SLC27A2: variants seen among roughly 807,000 people sequenced by gnomAD.
SLC27A2 encodes long-chain fatty acid transport protein 2.
Under a neutral mutation model 60.0 loss-of-function variants are expected in SLC27A2, and 54 were observed. The ratio of observed to expected loss-of-function variants is 0.90; its 90% CI spans 0.72 to 1.13. The LOEUF (loss-of-function observed/expected upper bound fraction) is 1.13. Ranked by LOEUF, SLC27A2 falls within the 50% of genes most tolerant of loss-of-function variation. SLC27A2 has a pLI of 0.00. For missense variants in SLC27A2, 739 were observed against 777.6 expected (o/e 0.95, Z 0.59); for synonymous variants, 297 against 297.6 (o/e 1.00, Z 0.02).
intron 4 of SLC27A2, among the ~76,000 whole-genome samples, chr15:50,206,559 C>A (rs1444241972): frequency 1.3e-5 from 2 of 150,844 alleles, no homozygotes; most frequent in African/African-American, 4.8e-5. Context: ...GAAGACAGGC[C>A]TCTTCTGCTA....
intron 2 of SLC27A2, among the ~76,000 whole-genome samples, chr15:50,201,617 G>A (rs755516266): frequency 2.8e-4 from 43 of 151,550 alleles, no homozygotes; most frequent in Non-Finnish European, 4.9e-4. Flanking sequence ...GTGCAGTGGC[G>A]CTATCTCGGC....
intron 1 of SLC27A2, among the ~76,000 whole-genome samples, chr15:50,196,876 C>T (rs866891625): frequency 6.6e-6 from 1 of 152,080 alleles, no homozygotes; most frequent in Non-Finnish European, 1.5e-5. Context: ...ATAAAGTTAG[C>T]TTCTATCATC....
chr15:50,192,497 C>T (rs1307007960), intron 1 of SLC27A2, among the ~76,000 whole-genome samples: 3 of 152,092 alleles, frequency 2.0e-5, no homozygotes, highest in African/African-American at 4.8e-5. Flanking sequence ...ATTACATTTC[C>T]TTTTATTATT....
chr15:50,186,663 T>C (rs1259587676), intron 1 of SLC27A2, among the ~76,000 whole-genome samples: 2 of 152,166 alleles, frequency 1.3e-5, no homozygotes, highest in African/African-American at 4.8e-5. Context: ...GATCTCCATC[T>C]CTTGACCTCG....
In SLC27A2 at chr15:50,182,516, T is replaced by G. The variant is rs776843899; in HGVS notation, c.89T>G (p.Ile30Arg). ...NLCCPYFFQD[I>R]GYFLKVAAVG... ...TGCTGCCCATACTTCTTCCAGGACA[T>G]AGGCTACTTCTTGAAGGTGGCCGCC... is the stretch of plus-strand genomic sequence containing the variant. The change falls in exon 1 of 10, where the codon ATA becomes AGA. Residue 30 changes from isoleucine (I) to arginine (R), a missense_variant. Transcript: ENST00000267842. 6.2e-7 allele frequency: 1 copy of G among 1,612,490 alleles called. No individual in the cohort carries two copies. Among genetic ancestry groups the G allele is most frequent in the Non-Finnish European group, 8.5e-7 (1 of 1,179,340 alleles).
At chr15:50,231,364 C>G (rs1477531122) in intron 8 of SLC27A2, among the ~76,000 whole-genome samples, 1 of 151,872 alleles carries the variant, frequency 6.6e-6, no homozygotes, top group Non-Finnish European at 1.5e-5. Context: ...TCAGGCTGCT[C>G]TCGAACTCCT....
chr15:50,193,400 G>A (rs2044990346), intron 1 of SLC27A2, among the ~76,000 whole-genome samples: 1 of 152,200 alleles, frequency 6.6e-6, no homozygotes, highest in Non-Finnish European at 1.5e-5. Context: ...GTAGAGACCT[G>A]CCTGGCACAC....
chr15:50,235,042 G>A (rs2045341435), intron 9 of SLC27A2, among the ~76,000 whole-genome samples: 1 of 152,140 alleles, frequency 6.6e-6, no homozygotes, highest in African/African-American at 2.4e-5. Flanking sequence ...ACCGCTAGGA[G>A]GATTTTTTTT....
rs2044865251 is a variant in SLC27A2 at position 50,182,533 on chromosome 15, G to T, written c.106G>T (p.Val36Leu). 1 of 1,612,374 alleles carries T rather than the reference G, an allele frequency of 6.2e-7. No individual in the cohort carries two copies. Among genetic ancestry groups the T allele is most frequent in the Non-Finnish European group, 8.5e-7 (1 of 1,179,372 alleles). Residue 36 changes from valine to leucine, a missense_variant, in exon 1 of 10, where the codon GTG (valine) becomes TTG (leucine). Coordinates refer to ENST00000267842, the MANE Select transcript of SLC27A2 (RefSeq NM_003645.4). ...CCAGGACATAGGCTACTTCTTGAAG[G>T]TGGCCGCCGTGGGCCGGAGGGTGCG... ...FFQDIGYFLK[V>L]AAVGRRVRSY...
intron 2 of SLC27A2, among the ~76,000 whole-genome samples, chr15:50,202,180 C>G (rs2045069679): frequency 6.6e-6 from 1 of 152,186 alleles, no homozygotes; most frequent in Non-Finnish European, 1.5e-5. Flanking sequence ...AGCCTCCCAC[C>G]TGTTTTTGTA....
rs188991326 is a variant in SLC27A2 at position 50,204,833 on chromosome 15, G to C, written c.848-406G>C. Among the ~76,000 whole-genome samples, 401 of 146,012 alleles carry C rather than the reference G, an allele frequency of 2.7e-3. 2 individuals are homozygous for C. Among genetic ancestry groups the C allele is most frequent in the African/African-American group, 0.01 (386 of 38,532 alleles). On this transcript the variant is annotated intron_variant, in intron 3 of 9. Coordinates refer to ENST00000267842, the MANE Select transcript of SLC27A2 (RefSeq NM_003645.4). ...GTGTATATATATAATATATATGTAT[G>C]TGTGTGTATATATATGTATGTGTGT...
chr15:50,215,308 T>C (rs529406858), intron 4 of SLC27A2, among the ~76,000 whole-genome samples: 1 of 152,160 alleles, frequency 6.6e-6, no homozygotes, highest in Admixed American at 6.5e-5. Flanking sequence ...CTGAAAGTAA[T>C]CATAAACTAA....
intron 7 of SLC27A2, among the ~76,000 whole-genome samples, chr15:50,228,399 A>AAG (rs398027220): frequency 1.3e-5 from 2 of 148,172 alleles, no homozygotes; most frequent in African/African-American, 2.5e-5. Context: ...AAAAAAAAAA[A>AAG]GAATTTTTAA....
chr15:50,236,005 C>A lies in SLC27A2; in HGVS notation c.1772C>A (p.Ala591Asp), dbSNP rs762095192. 1 of 1,613,958 alleles carries A rather than the reference C, an allele frequency of 6.2e-7. No homozygotes were observed. Among genetic ancestry groups the A allele is most frequent in the Admixed American group, 1.7e-5 (1 of 60,018 alleles). Reference protein sequence around the residue: ...EGFNPAVIKDALYFLDDTAKM... With the variant: ...EGFNPAVIKDDLYFLDDTAKM... ...TTTAACCCTGCTGTCATCAAAGATG[C>A]CTTGTATTTCTTGGATGACACAGCA... The change falls in exon 10 of 10, where the codon GCC (alanine) becomes GAC (aspartate). Residue 591 changes from alanine (A) to aspartate (D), a missense_variant. Ala to Asp is a moderately radical substitution (Grantham distance 126, BLOSUM62 -2). Transcript: ENST00000267842.
Position 50,182,624 on chromosome 15 carries a change from C to T in SLC27A2, c.197C>T (p.Thr66Met), listed in dbSNP as rs767050184. The T allele has an allele frequency of 9.9e-6, 16 of 1,613,822 alleles. No homozygotes were observed. In the East Asian group the frequency reaches 2.9e-4, roughly 29 times the overall value. Residue 66 changes from threonine to methionine, a missense_variant, in exon 1 of 10, where the codon ACG becomes ATG. Transcript: ENST00000267842. ...LRAFLEKARQ[T>M]PHKPFLLFRD... Reference sequence around the variant, plus strand: ...GCGTTCCTGGAGAAAGCGCGCCAGACGCCACACAAGCCTTTTCTGCTCTTC... The same window carrying T: ...GCGTTCCTGGAGAAAGCGCGCCAGATGCCACACAAGCCTTTTCTGCTCTTC...
chr15:50,202,668 T>G, intron 3 of SLC27A2, 23 bp downstream of exon 3: 1 of 1,608,244 alleles, frequency 6.2e-7, no homozygotes, highest in Non-Finnish European at 8.5e-7. Context: ...TACAAAATGT[T>G]GGAGGCGAGT....
At chr15:50,231,749 T>TA (rs2045318370) in intron 8 of SLC27A2, among the ~76,000 whole-genome samples, 1 of 152,160 alleles carries the variant, frequency 6.6e-6, no homozygotes, top group Non-Finnish European at 1.5e-5. Flanking sequence ...TTGACAGTCT[T>TA]ACAGTGTTGG....
At chr15:50,191,863 C>A (rs2044976481) in intron 1 of SLC27A2, among the ~76,000 whole-genome samples, 1 of 151,990 alleles carries the variant, frequency 6.6e-6, no homozygotes, top group South Asian at 2.1e-4. Flanking sequence ...AGTTCAAGAC[C>A]AGCCTGGCCA....
chr15:50,227,246 C>T (rs974124082), intron 7 of SLC27A2, 68 bp downstream of exon 7: 27 of 1,198,078 alleles, frequency 2.3e-5, no homozygotes, highest in African/African-American at 3.0e-5. Flanking sequence ...CTAGTGGAAT[C>T]GCATTCCACT....
Sources: allele counts gnomAD v4.1 joint callset (sites outside exome capture counted in the v4.1 genomes callset), GRCh38; gene constraint gnomAD v4.1.1; transcripts MANE v1.5; gene names NCBI Gene and HGNC (gene_info 2026-07-23, HGNC 2026-07-21).